TTN: variants seen among roughly 807,000 people sequenced by gnomAD.
TTN encodes titin.
TTN carries 1,525 observed loss-of-function variants against 3,223.0 expected under a neutral mutation model. That is an observed-to-expected ratio of 0.47 (90% CI 0.45 to 0.49). The LOEUF (loss-of-function observed/expected upper bound fraction) is 0.49, where lower values mean the gene tolerates loss of function less well. Ranked by LOEUF, TTN falls within the 20% of genes least tolerant of loss-of-function variation. The probability of loss-of-function intolerance (pLI) is 0.00; values close to 1 mark genes in which losing one functional copy is unlikely to be tolerated. For synonymous variants in TTN, 14,094 were observed against 15,161.0 expected, an observed-to-expected ratio of 0.93 and a Z score of 5.17; for missense variants, 40,786 against 43,424.0, an observed-to-expected ratio of 0.94 and a Z score of 5.40.
rs1221636525 is a variant in TTN, at chr2:178,717,800, A to G, written c.25074T>C (p.Leu8358=). The part of the protein sequence containing the change: ...SAVLVIKARK[L]PPFFARKLKD... The stretch of plus-strand genomic sequence containing the variant: ...TCAGTTTTCTTGCAAAGAAAGGTGG[A>G]AGTTTGCGCGCTGTAAAGAAGTTAC... The change falls in exon 87 of 363, where the codon CTT becomes CTC. Residue 8358 remains leucine (L), a synonymous_variant. Transcript: ENST00000589042. 1 of 1,606,690 alleles carries G rather than the reference A, an allele frequency of 6.2e-7. No individual in the cohort carries two copies. Among genetic ancestry groups the G allele is most frequent in the Non-Finnish European group, 8.5e-7 (1 of 1,176,204 alleles).
At position 178,645,993 on chromosome 2, in the gene TTN, G is replaced by A. The variant is rs727504696; in HGVS notation, c.40335C>T (p.Leu13445=). ...EPEKVIEKPK[L]KPRPPPPPPA... Reference sequence around the variant, plus strand: ...GTGGAGGAGGTGGGGGTCTTGGTTTGAGTTTTGGCTTCTCAATAACCTTTT... The same window carrying A: ...GTGGAGGAGGTGGGGGTCTTGGTTTAAGTTTTGGCTTCTCAATAACCTTTT... The change falls in exon 217 of 363, where the codon CTC becomes CTT. Residue 13445 remains leucine (L), a synonymous_variant. Transcript: ENST00000589042. 54 of 1,582,046 alleles carry A rather than the reference G, an allele frequency of 3.4e-5. No individual in the cohort carries two copies. In the East Asian group the frequency reaches 1.2e-3, roughly 35 times the overall value.
At chr2:178,675,212 A>G (rs2067791488) in intron 149 of TTN, 99 bp from the exon 150 acceptor site, 3 of 687,960 alleles carry the variant, frequency 4.4e-6, no homozygotes, top group Non-Finnish European at 7.2e-6. Context: ...TAAATATCAC[A>G]AGGCACATAC....
At position 178,741,385 on chromosome 2, in the gene TTN, C is replaced by T. The variant is rs1254502584; in HGVS notation, c.11848G>A (p.Ala3950Thr). ...TCAAAGATGGCAGGAAGCCCTTGAG[C>T]ACAGCGAATTGGTTTTAACTCCTTA... is the stretch of plus-strand genomic sequence containing the variant. ...FLKELKPIRC[A>T]QGLPAIFEYT... Residue 3950 changes from alanine to threonine, a missense_variant, in exon 48 of 363, where the codon GCT (alanine) becomes ACT (threonine). Physicochemically the swap from Ala to Thr is moderately conservative, Grantham distance 58. Coordinates refer to ENST00000589042, the MANE Select transcript of TTN (RefSeq NM_001267550.2). 3 of 1,613,882 alleles carry T rather than the reference C, an allele frequency of 1.9e-6. No individual in the cohort carries two copies. The highest frequency in any genetic ancestry group is 3.3e-5 in the Admixed American group (2 of 60,008).
intron 43 of TTN, 95 bp from the exon 44 acceptor site, chr2:178,759,267 C>T: frequency 8.0e-7 from 1 of 1,242,588 alleles, no homozygotes; most frequent in Non-Finnish European, 1.2e-6. Flanking sequence ...CTAGTGCCTA[C>T]ATTTCATATT....
intron 145 of TTN, 35 bp from the exon 146 acceptor site, chr2:178,677,952 C>G: frequency 6.4e-7 from 1 of 1,568,132 alleles, no homozygotes; most frequent in Non-Finnish European, 8.6e-7. Flanking sequence ...ACAAACATCA[C>G]TTTTATGTAA....
rs766446275 is a variant in TTN at position 178,605,146 on chromosome 2, T to C, written c.54031A>G (p.Thr18011Ala). ...TCCTTGGTTATCTGAAGTGCATCAGTGGGTTTTTCAATTACAGTTTCATTT... is the reference window on the plus strand; with the variant it reads ...TCCTTGGTTATCTGAAGTGCATCAGCGGGTTTTTCAATTACAGTTTCATTT... ...SKNETVIEKP[T>A]DALQITKEEV... Residue 18011 changes from threonine to alanine, a missense_variant, in exon 280 of 363, where the codon ACT becomes GCT. By Grantham distance (58) the Thr-to-Ala change is moderately conservative. Coordinates refer to ENST00000589042, the MANE Select transcript of TTN (RefSeq NM_001267550.2). 18 of 1,612,674 alleles carry C rather than the reference T, an allele frequency of 1.1e-5. No homozygotes were observed. The highest frequency in any genetic ancestry group is 1.7e-5 in the Admixed American group (1 of 59,924).
In TTN at chr2:178,534,361, A is replaced by G; in HGVS notation, c.102254T>C (p.Ile34085Thr). ...QKIERVSTKV[I>T]RTLKHRRYYH... ...ATAACGCCGGTGTTTTAATGTTCTG[A>G]TAACTTTAGTACTGACTCTTTCTAT... Residue 34085 changes from isoleucine (I) to threonine (T), a missense_variant, in exon 358 of 363, where the codon ATC becomes ACC. Coordinates refer to ENST00000589042, the MANE Select transcript of TTN (RefSeq NM_001267550.2). 1 of 1,611,536 alleles carries G rather than the reference A, an allele frequency of 6.2e-7. No individual in the cohort carries two copies. The highest frequency in any genetic ancestry group is 1.1e-5 in the South Asian group (1 of 91,070).
intron 6 of TTN, among the ~76,000 whole-genome samples, chr2:178,796,407 A>C (rs1403293335): frequency 6.6e-6 from 1 of 152,218 alleles, no homozygotes; most frequent in Non-Finnish European, 1.5e-5. Context: ...GGTACAGTTG[A>C]TATTTTCTCT....
intron 295 of TTN, among the ~76,000 whole-genome samples, chr2:178,595,294 A>AT (rs2051242447): frequency 6.6e-6 from 1 of 152,000 alleles, no homozygotes; most frequent in Non-Finnish European, 1.5e-5. Flanking sequence ...AGAAAAAAAA[A>AT]AACAAAAAGA....
Position 178,749,147 on chromosome 2 carries a change from T to C in TTN, c.11311+3977A>G, listed in dbSNP as rs140621914. ...TCTCTCAGAGTGAATATTTGGTAAA[T>C]AGTCACTTTGGGCACATTCTTGTAC... On this transcript the variant is annotated intron_variant, in intron 47 of 362. Coordinates refer to ENST00000589042, the MANE Select transcript of TTN (RefSeq NM_001267550.2). 48 of 1,612,506 alleles carry C rather than the reference T, an allele frequency of 3.0e-5. No homozygotes were observed. The African/African-American group carries it at 4.5e-4, about 15-fold the overall frequency.
In TTN at chr2:178,546,206, G is replaced by C; in HGVS notation, c.95119+6C>G. 2 of 1,603,182 alleles carry C rather than the reference G, an allele frequency of 1.2e-6. No homozygotes were observed. Among genetic ancestry groups the C allele is most frequent in the Non-Finnish European group, 1.7e-6 (2 of 1,173,342 alleles). ...ATATAAATGTGAGAACATTTGACAT[G>C]CTTACCAAGCACTTTGACCATGACA... is the stretch of plus-strand genomic sequence containing the variant. On this transcript the variant is annotated splice_donor_region_variant and intron_variant, in intron 342 of 362. Coordinates refer to ENST00000589042, the MANE Select transcript of TTN (RefSeq NM_001267550.2).
chr2:178,773,655 C>T lies in TTN; in HGVS notation c.7401G>A (p.Lys2467=), dbSNP rs757495201. The part of the protein sequence containing the change: ...IEGTKAVLEC[K]VSVPDVTSVK... The stretch of plus-strand genomic sequence containing the variant: ...CAGAAGTCACATCAGGGACTGACAC[C>T]TTACATTCAAGCACAGCCTTGGTGC... Residue 2467 remains lysine (K), a synonymous_variant, in exon 32 of 363, where the codon AAG becomes AAA. Coordinates refer to ENST00000589042, the MANE Select transcript of TTN (RefSeq NM_001267550.2). The T allele has an allele frequency of 2.5e-6, 4 of 1,613,986 alleles. No homozygotes were observed. Among genetic ancestry groups the T allele is most frequent in the Admixed American group, 1.7e-5 (1 of 59,994 alleles).
chr2:178,543,816 T>G lies in TTN; in HGVS notation c.96310+18A>C. ...AGGATCTACTCATTGTATAGCCAAT[T>G]TTAAGTAAAATGCTTACCATAGACT... On this transcript the variant is annotated intron_variant, in intron 346 of 362. Coordinates refer to ENST00000589042, the MANE Select transcript of TTN (RefSeq NM_001267550.2). The G allele has an allele frequency of 6.2e-7, 1 of 1,611,824 alleles. No individual in the cohort carries two copies. Among genetic ancestry groups the G allele is most frequent in the Non-Finnish European group, 8.5e-7 (1 of 1,178,382 alleles).
At chr2:178,541,246 AACTC>A in intron 350 of TTN, 32 bp downstream of exon 350, 1 of 1,438,112 alleles carries the variant, frequency 7.0e-7, no homozygotes, top group Non-Finnish European at 9.2e-7. Context: ...TATAAATTGT[AACTC>A]AATCAATTTG....
At position 178,568,994 on chromosome 2, in the gene TTN, T is replaced by C. The variant is rs774259989; in HGVS notation, c.77138A>G (p.Asn25713Ser). The change falls in exon 326 of 363, where the codon AAC becomes AGC. Residue 25713 changes from asparagine to serine, a missense_variant. By Grantham distance (46) the Asn-to-Ser change is conservative (BLOSUM62 1). Coordinates refer to ENST00000589042, the MANE Select transcript of TTN (RefSeq NM_001267550.2). ...GKITVDDVTR[N>S]SVSLSWTKPE... ...TTTTGTCCAACTCAGAGAGACACTG[T>C]TTCTGGTGACATCATCCACAGTTAT... is the stretch of plus-strand genomic sequence containing the variant. The C allele has an allele frequency of 1.2e-6, 2 of 1,613,440 alleles. No individual in the cohort carries two copies. Among genetic ancestry groups the C allele is most frequent in the Non-Finnish European group, 1.7e-6 (2 of 1,179,568 alleles).
chr2:178,543,838 G>C lies in TTN; in HGVS notation c.96306C>G (p.Val32102=). Residue 32102 remains valine (V), a synonymous_variant, in exon 346 of 363, where the codon GTC becomes GTG. Coordinates refer to ENST00000589042, the MANE Select transcript of TTN (RefSeq NM_001267550.2). ...GKKSATVLVK[V]YDTPGPCPSV... ...AATTTTAAGTAAAATGCTTACCATAGACTTTAACAAGGACTGTTGCTGATT... is the reference window on the plus strand; with the variant it reads ...AATTTTAAGTAAAATGCTTACCATACACTTTAACAAGGACTGTTGCTGATT... 1 of 1,613,312 alleles carries C rather than the reference G, an allele frequency of 6.2e-7. No individual in the cohort carries two copies. Among genetic ancestry groups the C allele is most frequent in the Non-Finnish European group, 8.5e-7 (1 of 1,179,492 alleles).
chr2:178,738,038 T>C, intron 49 of TTN, 44 bp downstream of exon 49: 3 of 1,583,976 alleles, frequency 1.9e-6, no homozygotes, highest in Non-Finnish European at 2.6e-6. Flanking sequence ...AGGACAACAA[T>C]ATGAAATGAA....
chr2:178,620,238 C>T lies in TTN; in HGVS notation c.46283G>A (p.Arg15428Lys), dbSNP rs2058065577. 6.5e-7 allele frequency: 1 copy of T among 1,537,334 alleles called. No homozygotes were observed. Among genetic ancestry groups the T allele is most frequent in the Non-Finnish European group, 8.7e-7 (1 of 1,146,474 alleles). The change falls in exon 248 of 363, where the codon AGA becomes AAA. Residue 15428 changes from arginine to lysine, a missense_variant. By Grantham distance (26) the Arg-to-Lys change is conservative. Coordinates refer to ENST00000589042, the MANE Select transcript of TTN (RefSeq NM_001267550.2). ...TTACTTTTTGCCTTCTTTGATTTCT[C>T]TCCCATTTCTGTACCATTTTACATT... ...KANVKWYRNGREIKEGKKYKF... is the reference protein window; with the variant it reads ...KANVKWYRNGKEIKEGKKYKF...
chr2:178,793,959 G>A (rs2093639383), intron 8 of TTN, among the ~76,000 whole-genome samples: 1 of 152,224 alleles, frequency 6.6e-6, no homozygotes, highest in Admixed American at 6.5e-5. Context: ...TTCCAGCTAT[G>A]AATCAAGTGT....
Sources: gnomAD v4.1 joint callset for allele counts (sites outside exome capture counted in the v4.1 genomes callset) on GRCh38, gnomAD v4.1.1 for gene constraint, MANE v1.5 for transcripts, NCBI Gene and HGNC (gene_info 2026-07-23, HGNC 2026-07-21) for gene names.